MCC: variants seen among roughly 807,000 people sequenced by gnomAD.
MCC encodes the protein MCC regulator of Wnt signaling pathway, also known as colorectal mutant cancer protein.
Under a neutral mutation model 116.2 loss-of-function variants are expected in MCC, and 90 were observed. That is an observed-to-expected ratio of 0.77 (90% CI 0.65 to 0.92). The LOEUF (loss-of-function observed/expected upper bound fraction) is 0.92, where lower values mean the gene tolerates loss of function less well. MCC is among the 40% of genes least tolerant of loss of function. MCC has a pLI of 0.00. For missense variants in MCC, 1,516 were observed against 1,312.2 expected (o/e 1.16, Z -2.40); for synonymous variants, 578 against 510.5 (o/e 1.13, Z -1.78).
At chr5:113,486,736 G>A (rs191394544) in intron 1 of MCC, among the ~76,000 whole-genome samples, 4 of 151,846 alleles carry the variant, frequency 2.6e-5, no homozygotes, top group Admixed American at 6.6e-5. Flanking sequence ...CCAGCTACTC[G>A]GGAAGCTGAG....
chr5:113,337,608 C>A (rs911884981), intron 3 of MCC, among the ~76,000 whole-genome samples: 40 of 152,272 alleles, frequency 2.6e-4, no homozygotes, highest in African/African-American at 9.4e-4. Flanking sequence ...AGTAGGTAAT[C>A]CTCTGCTACT....
chr5:113,342,538 T>C (rs1664788213), intron 2 of MCC, among the ~76,000 whole-genome samples: 2 of 152,180 alleles, frequency 1.3e-5, no homozygotes, highest in East Asian at 3.9e-4. Flanking sequence ...GAAAGTGCAA[T>C]GAAAAAGTAG....
chr5:113,230,800 G>C (rs1763911495), intron 3 of MCC, among the ~76,000 whole-genome samples: 1 of 152,100 alleles, frequency 6.6e-6, no homozygotes, highest in African/African-American at 2.4e-5. Flanking sequence ...CACATATTGT[G>C]ATTTCTCTAA....
intron 3 of MCC, among the ~76,000 whole-genome samples, chr5:113,231,241 C>T (rs1402245198): frequency 6.6e-6 from 1 of 152,124 alleles, no homozygotes; most frequent in Non-Finnish European, 1.5e-5. Context: ...GCGAGTCTCT[C>T]CCTTTTACCA....
chr5:113,042,990 G>A (rs1451269806), intron 17 of MCC, among the ~76,000 whole-genome samples: 1 of 152,184 alleles, frequency 6.6e-6, no homozygotes. Context: ...AAGCAGTGAT[G>A]GAAAGAAGGT....
intron 17 of MCC, among the ~76,000 whole-genome samples, chr5:113,040,505 T>G (rs1362021922): frequency 6.6e-6 from 1 of 152,136 alleles, no homozygotes; most frequent in Admixed American, 6.5e-5. Flanking sequence ...AAAATGCTGG[T>G]AAGATTCCCC....
chr5:113,119,121 G>A lies in MCC; in HGVS notation c.1027+3563C>T, dbSNP rs544599835. On this transcript the variant is annotated intron_variant, in intron 6 of 18. Coordinates refer to ENST00000408903, the MANE Select transcript of MCC (RefSeq NM_001085377.2). The stretch of plus-strand genomic sequence containing the variant: ...AGCTTTGGGATGGGGTTCTTTCACT[G>A]CTGCTCAAGTATTTGAGTATCTCCT... Among the ~76,000 whole-genome samples, 3 of 152,350 alleles carry A rather than the reference G, an allele frequency of 2.0e-5. No individual in the cohort carries two copies. In the South Asian group the frequency reaches 6.2e-4, roughly 32 times the overall value.
chr5:113,033,276 T>C (rs1323776568), intron 17 of MCC, among the ~76,000 whole-genome samples: 1 of 152,218 alleles, frequency 6.6e-6, no homozygotes, highest in African/African-American at 2.4e-5. Context: ...CTTGAGGGAC[T>C]GGCGTAAGGC....
chr5:113,352,834 A>G (rs1283747932), intron 2 of MCC, among the ~76,000 whole-genome samples: 1 of 152,204 alleles, frequency 6.6e-6, no homozygotes, highest in Non-Finnish European at 1.5e-5. Context: ...TCGTCAGAAG[A>G]AACTTTGTAA....
At chr5:113,233,452 A>T (rs1051790656) in intron 3 of MCC, among the ~76,000 whole-genome samples, 6 of 152,222 alleles carry the variant, frequency 3.9e-5, no homozygotes, top group Non-Finnish European at 8.8e-5. Context: ...TGCTCCAAAC[A>T]CAAATATGAA....
At chr5:113,344,828 C>A (rs1462715125) in intron 2 of MCC, among the ~76,000 whole-genome samples, 2 of 152,012 alleles carry the variant, frequency 1.3e-5, no homozygotes, top group Admixed American at 6.6e-5. Context: ...AGACTCAGAG[C>A]TATGCTGGTT....
At chr5:113,386,313 C>A (rs1397396076) in intron 1 of MCC, among the ~76,000 whole-genome samples, 1 of 152,152 alleles carries the variant, frequency 6.6e-6, no homozygotes, top group African/African-American at 2.4e-5. Flanking sequence ...ATGCTAAGAC[C>A]ACTCTTCAAG....
intron 16 of MCC, among the ~76,000 whole-genome samples, chr5:113,044,958 G>C (rs184294358): frequency 6.6e-6 from 1 of 152,194 alleles, no homozygotes; most frequent in South Asian, 2.1e-4. Context: ...TCCCGAGGCA[G>C]TTCCTTGGCA....
chr5:113,184,503 CAG>C (rs1470262948), intron 3 of MCC, among the ~76,000 whole-genome samples: 4 of 116,706 alleles, frequency 3.4e-5, no homozygotes, highest in African/African-American at 3.2e-5. Flanking sequence ...TTTTTGGAGA[CAG>C]AGTCTTGTTC....
intron 3 of MCC, among the ~76,000 whole-genome samples, chr5:113,223,158 A>G (rs1362387605): frequency 6.6e-6 from 1 of 152,226 alleles, no homozygotes; most frequent in African/African-American, 2.4e-5. Flanking sequence ...GAGTGCAAGA[A>G]GATGAGGCTG....
chr5:113,358,019 C>T (rs11241204), intron 2 of MCC, among the ~76,000 whole-genome samples: 40,991 of 152,070 alleles, frequency 0.27, 7,528 homozygotes, highest in African/African-American at 0.52. Context: ...TAAAACTTGC[C>T]TCCATTTCTC....
intron 3 of MCC, among the ~76,000 whole-genome samples, chr5:113,226,462 T>C (rs530796914): frequency 1.3e-5 from 2 of 152,252 alleles, no homozygotes; most frequent in Non-Finnish European, 2.9e-5. Context: ...GGAGAAGTGT[T>C]GTGGCACCCA....
At chr5:113,108,502 C>T (rs953933012) in intron 6 of MCC, among the ~76,000 whole-genome samples, 2 of 151,310 alleles carry the variant, frequency 1.3e-5, no homozygotes, top group Admixed American at 1.3e-4. Flanking sequence ...AAAATACAAA[C>T]ATTAGCAGGG....
At chr5:113,292,068 A>G (rs1766518699) in intron 3 of MCC, among the ~76,000 whole-genome samples, 1 of 152,066 alleles carries the variant, frequency 6.6e-6, no homozygotes, top group Non-Finnish European at 1.5e-5. Context: ...CTTCTCTACT[A>G]AAAATATAAA....
Sources: gnomAD v4.1 joint callset for allele counts (sites outside exome capture counted in the v4.1 genomes callset) on GRCh38, gnomAD v4.1.1 for gene constraint, MANE v1.5 for transcripts, NCBI Gene and HGNC (gene_info 2026-07-23, HGNC 2026-07-21) for gene names.